The following COL23A1 variants were observed in gnomAD, a reference collection of about 807,000 sequenced individuals.
The protein encoded by COL23A1 is collagen type XXIII alpha 1 chain, also known as collagen alpha-1(XXIII) chain.
COL23A1 carries 97 observed loss-of-function variants against 99.3 expected under a neutral mutation model. The ratio of observed to expected loss-of-function variants is 0.98; its 90% confidence interval spans 0.83 to 1.16. The LOEUF is 1.16. Among genes scored for constraint, COL23A1 ranks in the 50% most tolerant of loss-of-function variants. The pLI is 0.00. For missense variants in COL23A1, 762 were observed against 757.4 expected, an observed-to-expected ratio of 1.01 and a Z score of -0.07; for synonymous variants, 320 against 308.2, an observed-to-expected ratio of 1.04 and a Z score of -0.40.
At chr5:178,513,094 G>A (rs1365336924) in intron 2 of COL23A1, among the ~76,000 whole-genome samples, 1 of 152,202 alleles carries the variant, frequency 6.6e-6, no homozygotes. Context: ...CAGATGGAGA[G>A]GAGGAAGGCT....
At chr5:178,555,281 G>A (rs938660735) in intron 2 of COL23A1, among the ~76,000 whole-genome samples, 1 of 152,146 alleles carries the variant, frequency 6.6e-6, no homozygotes, top group African/African-American at 2.4e-5. Flanking sequence ...AAGCCCTGAG[G>A]GTTAGGACTT....
intron 2 of COL23A1, 106 bp downstream of exon 2, chr5:178,560,576 G>T: frequency 2.0e-6 from 2 of 987,996 alleles, no homozygotes; most frequent in South Asian, 1.6e-5. Context: ...GCACGAAGAC[G>T]ACAGCCTGAC....
intron 25 of COL23A1, among the ~76,000 whole-genome samples, 193 bp from the exon 26 acceptor site, chr5:178,242,587 T>C (rs1294091172): frequency 6.6e-6 from 1 of 152,166 alleles, no homozygotes; most frequent in East Asian, 1.9e-4. Flanking sequence ...AGCATGCATT[T>C]ACGATGCCAG....
At chr5:178,373,361 C>T (rs1762902634) in intron 2 of COL23A1, among the ~76,000 whole-genome samples, 1 of 152,244 alleles carries the variant, frequency 6.6e-6, no homozygotes, top group Non-Finnish European at 1.5e-5. Flanking sequence ...CTGCCGTTCT[C>T]AGTGCAGCCC....
chr5:178,404,750 T>G (rs1359882229), intron 2 of COL23A1, among the ~76,000 whole-genome samples: 1 of 152,106 alleles, frequency 6.6e-6, no homozygotes, highest in African/African-American at 2.4e-5. Context: ...CACGTGATAT[T>G]GAGGATGGAG....
rs1045019896 is a variant in COL23A1 at position 178,247,831 on chromosome 5, C to T, written c.1213G>A (p.Ala405Thr). 9 of 1,611,658 alleles carry T rather than the reference C, an allele frequency of 5.6e-6. No homozygotes were observed. Among genetic ancestry groups the T allele is most frequent in the African/African-American group, 4.0e-5 (3 of 74,870 alleles). ...SASDSLQESL[A>T]QLIVEPGPPG... is the part of the protein sequence containing the mutation. ...GGCCCTGGCTCCACTATGAGCTGAG[C>T]CTAGGGAGGGTGAGAGACAGGTTAG... The change falls in exon 21 of 29, where the codon GCT becomes ACT. Residue 405 changes from alanine (A) to threonine (T), a missense_variant and splice_region_variant. By Grantham distance (58) the Ala-to-Thr change is moderately conservative. Coordinates refer to ENST00000390654, the MANE Select transcript of COL23A1 (RefSeq NM_173465.4).
chr5:178,516,014 G>T (rs1239570094), intron 2 of COL23A1, among the ~76,000 whole-genome samples: 1 of 152,162 alleles, frequency 6.6e-6, no homozygotes, highest in Non-Finnish European at 1.5e-5. Context: ...TTCTCTTTTT[G>T]TGTCTCTTTC....
rs376718430 is a variant in COL23A1 at position 178,254,982 on chromosome 5, G to C, written c.927C>G (p.Ile309Met). Residue 309 changes from isoleucine to methionine, a missense_variant, in exon 16 of 29, where the codon ATC (isoleucine) becomes ATG (methionine). Transcript: ENST00000390654. ...LKGEQGDTVV[I>M]DYDGRILDAL... ...CATCCAAGATCCTGCCATCATAGTC[G>C]ATCACCACTGTGTCTCCCTGCTCGC... The C allele has an allele frequency of 6.2e-6, 10 of 1,613,540 alleles. No individual in the cohort carries two copies. The East Asian group carries it at 2.0e-4, about 32-fold the overall frequency.
intron 6 of COL23A1, among the ~76,000 whole-genome samples, chr5:178,269,710 A>AATCC (rs1295919592): frequency 6.4e-5 from 7 of 109,166 alleles, no homozygotes; most frequent in South Asian, 3.1e-4. Flanking sequence ...TTCCCCCACC[A>AATCC]ATCCATCCAT....
At chr5:178,471,708 T>C (rs896268734) in intron 2 of COL23A1, among the ~76,000 whole-genome samples, 1 of 152,030 alleles carries the variant, frequency 6.6e-6, no homozygotes, top group Non-Finnish European at 1.5e-5. Context: ...CCACCCGCTT[T>C]ATGTAACTCT....
intron 2 of COL23A1, among the ~76,000 whole-genome samples, chr5:178,427,544 A>G (rs1268904178): frequency 6.6e-6 from 1 of 152,226 alleles, no homozygotes; most frequent in Non-Finnish European, 1.5e-5. Flanking sequence ...GTGAGTGGGT[A>G]GGTAAGTTGT....
chr5:178,503,627 C>A (rs184429182), intron 2 of COL23A1, among the ~76,000 whole-genome samples: 2 of 151,938 alleles, frequency 1.3e-5, no homozygotes, highest in African/African-American at 2.4e-5. Context: ...CGTATGTAAA[C>A]GCATGTGTGT....
intron 2 of COL23A1, among the ~76,000 whole-genome samples, chr5:178,404,287 CATTT>C (rs1226695008): frequency 6.6e-6 from 1 of 152,200 alleles, no homozygotes; most frequent in Non-Finnish European, 1.5e-5. Context: ...ATCATTCATT[CATTT>C]AACAATGAAG....
chr5:178,467,261 T>C (rs1157421291), intron 2 of COL23A1, among the ~76,000 whole-genome samples: 1 of 152,134 alleles, frequency 6.6e-6, no homozygotes, highest in African/African-American at 2.4e-5. Flanking sequence ...TTTGGGAAGG[T>C]CTGGGACGCT....
intron 2 of COL23A1, among the ~76,000 whole-genome samples, chr5:178,315,762 C>CTTTTTTTTT (rs34604670): frequency 1.0e-5 from 1 of 96,730 alleles, no homozygotes; most frequent in East Asian, 3.3e-4. Context: ...GAAGCACTGA[C>CTTTTTTTTT]TTTTTTTTTT....
chr5:178,340,979 T>C lies in COL23A1; in HGVS notation c.362-34060A>G, dbSNP rs1760623745. Among the ~76,000 whole-genome samples the C allele has an allele frequency of 6.6e-6, 1 of 152,160 alleles. No individual in the cohort carries two copies. The highest frequency in any genetic ancestry group is 2.1e-4 in the South Asian group (1 of 4,830). On this transcript the variant is annotated intron_variant, in intron 2 of 28. Coordinates refer to ENST00000390654, the MANE Select transcript of COL23A1 (RefSeq NM_173465.4). The surrounding 1 kb of genome is among the most constrained non-coding windows in gnomAD (Gnocchi z 4.7). ...CCTCATACTGACCATACCCACCAGC[T>C]CTATTTCCCCCATTATGAAGATGGA...
chr5:178,453,959 G>A (rs1393610883), intron 2 of COL23A1, among the ~76,000 whole-genome samples: 3 of 152,084 alleles, frequency 2.0e-5, no homozygotes, highest in South Asian at 2.1e-4. Context: ...TAGATATTGT[G>A]GCCAAAGTTT....
chr5:178,542,689 T>C (rs897185186), intron 2 of COL23A1, among the ~76,000 whole-genome samples: 3 of 128,860 alleles, frequency 2.3e-5, no homozygotes, highest in African/African-American at 8.3e-5. Flanking sequence ...AATGGGAAGG[T>C]GGAGAGGAAG....
intron 2 of COL23A1, chr5:178,350,724 T>A (rs1037859607): frequency 6.6e-6 from 1 of 152,296 alleles, no homozygotes; most frequent in African/African-American, 2.4e-5. Context: ...GCAGCCCTGC[T>A]GCTGTGCCAG....
Sources: allele counts gnomAD v4.1 joint callset (sites outside exome capture counted in the v4.1 genomes callset), GRCh38; gene constraint gnomAD v4.1.1; non-coding constraint Gnocchi (gnomAD v3.1); transcripts MANE v1.5; gene names NCBI Gene and HGNC (gene_info 2026-07-23, HGNC 2026-07-21).